PACRG: variants seen among roughly 807,000 people sequenced by gnomAD.
PACRG encodes parkin coregulated gene protein.
PACRG carries 29 observed loss-of-function variants against 29.7 expected under a neutral mutation model. The observed-to-expected ratio is 0.98, with a 90% CI of 0.73 to 1.33. PACRG has a LOEUF of 1.33. Among genes scored for constraint, PACRG ranks in the 40% most tolerant of loss-of-function variants. The pLI is 0.00. For missense variants in PACRG, 279 were observed against 316.2 expected (o/e 0.88, Z 0.89); for synonymous variants, 116 against 118.7 (o/e 0.98, Z 0.15).
intron 4 of PACRG, among the ~76,000 whole-genome samples, chr6:163,218,970 C>G (rs1781471733): frequency 6.6e-6 from 1 of 152,200 alleles, no homozygotes; most frequent in Non-Finnish European, 1.5e-5. Context: ...CAGGACAGCC[C>G]CCACTGCGCT....
At chr6:162,922,642 C>A (rs1415031094) in intron 2 of PACRG, among the ~76,000 whole-genome samples, 1 of 151,918 alleles carries the variant, frequency 6.6e-6, no homozygotes, top group Non-Finnish European at 1.5e-5. Flanking sequence ...TTTTTAACTC[C>A]TATGTATGAA....
At chr6:163,129,129 A>G (rs1407125924) in intron 4 of PACRG, among the ~76,000 whole-genome samples, 2 of 152,334 alleles carry the variant, frequency 1.3e-5, no homozygotes, top group Middle Eastern at 3.4e-3. Flanking sequence ...CTCATTTACA[A>G]GTAGAGCTTC....
chr6:163,132,318 A>G (rs1028213439), intron 4 of PACRG, among the ~76,000 whole-genome samples: 2 of 152,214 alleles, frequency 1.3e-5, no homozygotes, highest in African/African-American at 2.4e-5. Flanking sequence ...TTTTTAAGAA[A>G]CAGAACAAAC....
chr6:163,229,746 TAAGA>T (rs765441684), intron 4 of PACRG, among the ~76,000 whole-genome samples: 4 of 152,178 alleles, frequency 2.6e-5, no homozygotes, highest in Non-Finnish European at 5.9e-5. Context: ...GAATTTTTCT[TAAGA>T]AGGAAGAAAA....
chr6:163,187,698 CCTT>C (rs1445270229), intron 4 of PACRG: 1 of 152,362 alleles, frequency 6.6e-6, no homozygotes, highest in Non-Finnish European at 1.5e-5. Context: ...AAGTCCTACT[CCTT>C]CTCCCAGGTC....
At chr6:162,925,697 A>G (rs1448383186) in intron 2 of PACRG, among the ~76,000 whole-genome samples, 6 of 152,174 alleles carry the variant, frequency 3.9e-5, no homozygotes, top group South Asian at 4.1e-4. Context: ...CTCACAGCCA[A>G]TGTCATACTG....
chr6:162,947,341 TA>T (rs750496740), intron 2 of PACRG, among the ~76,000 whole-genome samples: 37,040 of 61,404 alleles, frequency 0.6, 11,996 homozygotes, highest in Non-Finnish European at 0.72. Flanking sequence ...ATCATATATA[TA>T]ATGATTACAT....
rs1783743082 is a variant in PACRG at position 162,777,509 on chromosome 6, C to G, written c.157-36638C>G. Among the ~76,000 whole-genome samples, 1 of 152,160 alleles carries G rather than the reference C, an allele frequency of 6.6e-6. No individual in the cohort carries two copies. Among genetic ancestry groups the G allele is most frequent in the Non-Finnish European group, 1.5e-5 (1 of 68,022 alleles). ...CCTGTCCTTTCAGGGCTTACAGAGA[C>G]TTTGGTGAGATGTTGGATTTGGTCA... On this transcript the variant is annotated intron_variant, in intron 1 of 4. Transcript: ENST00000366888. This position sits in a 1 kb window ranked among gnomAD's most constrained non-coding sequence, Gnocchi z 4.0.
chr6:163,016,479 G>A (rs543566023), intron 2 of PACRG, among the ~76,000 whole-genome samples: 80 of 151,234 alleles, frequency 5.3e-4, no homozygotes, highest in Non-Finnish European at 9.0e-4. Flanking sequence ...GGTTCAGCCT[G>A]TTAATTTAGA....
chr6:163,299,665 G>A (rs961379544), intron 4 of PACRG, among the ~76,000 whole-genome samples: 4 of 152,204 alleles, frequency 2.6e-5, no homozygotes, highest in Non-Finnish European at 4.4e-5. Context: ...TGGATCCTGA[G>A]GTCAGGAGTT....
intron 2 of PACRG, among the ~76,000 whole-genome samples, chr6:162,845,604 A>T (rs939991800): frequency 2.6e-4 from 39 of 152,190 alleles, no homozygotes; most frequent in Admixed American, 5.2e-4. Context: ...TGTCTCAAGA[A>T]AATGTTGCTT....
chr6:162,966,088 G>T (rs1800996130), intron 2 of PACRG, among the ~76,000 whole-genome samples: 1 of 152,204 alleles, frequency 6.6e-6, no homozygotes, highest in Non-Finnish European at 1.5e-5. Flanking sequence ...TGGCTAAGCA[G>T]GTGTTTAGTA....
intron 4 of PACRG, among the ~76,000 whole-genome samples, chr6:163,136,865 G>T (rs141755219): frequency 6.6e-6 from 1 of 152,178 alleles, no homozygotes; most frequent in Admixed American, 6.5e-5. Flanking sequence ...GATTGGAAAT[G>T]TTCCTGTTTT....
chr6:163,260,356 A>G, intron 4 of PACRG, among the ~76,000 whole-genome samples: 1 of 152,228 alleles, frequency 6.6e-6, no homozygotes, highest in East Asian at 1.9e-4. Context: ...TCTAGACCTC[A>G]GAGCCCATAC....
At position 163,312,719 on chromosome 6, in the gene PACRG, A is replaced by T. The variant is rs898415080; in HGVS notation, c.614-2108A>T. The stretch of plus-strand genomic sequence containing the variant: ...AGGGCAAGGACCCTTTTGTTTCAAA[A>T]TCTTATCTCTTGTTTATCTGATATA... On this transcript the variant is annotated intron_variant, in intron 4 of 4. Coordinates refer to ENST00000366888, the MANE Select transcript of PACRG (RefSeq NM_001080379.2). The T allele has an allele frequency of 3.8e-5, 15 of 392,718 alleles. 1 individual carries two copies. Among genetic ancestry groups the T allele is most frequent in the Admixed American group, 6.0e-5 (2 of 33,112 alleles). 24.3% of individuals were successfully genotyped at this position (392,718 alleles called of 1,614,324 possible).
At chr6:162,788,946 G>T (rs191986089) in intron 1 of PACRG, among the ~76,000 whole-genome samples, 10 of 151,916 alleles carry the variant, frequency 6.6e-5, no homozygotes, top group Non-Finnish European at 1.5e-4. Flanking sequence ...CTTCCAGTCC[G>T]TGGCTTGTCT....
chr6:162,762,275 G>C (rs1782436540), intron 1 of PACRG, among the ~76,000 whole-genome samples: 1 of 152,186 alleles, frequency 6.6e-6, no homozygotes, highest in South Asian at 2.1e-4. Flanking sequence ...AGCAGGTTGA[G>C]AATGGAAATC....
chr6:163,036,755 A>AG (rs1392224109), intron 2 of PACRG, among the ~76,000 whole-genome samples: 1 of 152,230 alleles, frequency 6.6e-6, no homozygotes, highest in Non-Finnish European at 1.5e-5. Context: ...ACACTAAAGT[A>AG]GAGGACACTT....
At chr6:163,119,805 T>C (rs1816185015) in intron 4 of PACRG, among the ~76,000 whole-genome samples, 1 of 152,184 alleles carries the variant, frequency 6.6e-6, no homozygotes, top group South Asian at 2.1e-4. Flanking sequence ...AAAGTTTCTC[T>C]CTTAATTTCA....
Sources: allele counts gnomAD v4.1 joint callset (sites outside exome capture counted in the v4.1 genomes callset), GRCh38; gene constraint gnomAD v4.1.1; non-coding constraint Gnocchi (gnomAD v3.1); transcripts MANE v1.5; gene names NCBI Gene and HGNC (gene_info 2026-07-23, HGNC 2026-07-21).